The following LRP1B variants were observed in gnomAD, a reference collection of about 807,000 sequenced individuals.
LRP1B encodes the protein low-density lipoprotein receptor-related protein 1B.
A neutral mutation model predicts 556.6 loss-of-function variants in LRP1B; 217 were observed. That is an observed-to-expected ratio of 0.39 (90% CI 0.35 to 0.44). The LOEUF (loss-of-function observed/expected upper bound fraction) is 0.44, where lower values mean the gene tolerates loss of function less well. LRP1B is among the 20% of genes least tolerant of loss of function. The pLI, the probability that LRP1B is intolerant of heterozygous loss-of-function variation, is 1.00. For synonymous variants in LRP1B, 2,047 were observed against 1,865.8 expected (o/e 1.10, Z -2.50); for missense variants, 5,053 against 5,620.8 (o/e 0.90, Z 3.23).
intron 66 of LRP1B, among the ~76,000 whole-genome samples, chr2:140,424,724 T>C (rs1477981620): frequency 6.6e-6 from 1 of 152,168 alleles, no homozygotes; most frequent in African/African-American, 2.4e-5. Context: ...GATCACACAA[T>C]ACACCAGATA....
intron 22 of LRP1B, among the ~76,000 whole-genome samples, chr2:140,905,421 A>G (rs1694222438): frequency 1.3e-5 from 2 of 152,116 alleles, no homozygotes; most frequent in Admixed American, 1.3e-4. Flanking sequence ...AAAGCTTGCA[A>G]TTATAAATCC....
intron 48 of LRP1B, 111 bp from the exon 49 acceptor site, chr2:140,526,104 C>T (rs530730948): frequency 2.0e-5 from 27 of 1,334,368 alleles, no homozygotes; most frequent in East Asian, 7.2e-5. Flanking sequence ...GAAATAGATA[C>T]GTAATTATCC....
intron 85 of LRP1B, 23 bp downstream of exon 85, chr2:140,274,401 A>C (rs377298365): frequency 6.2e-6 from 10 of 1,607,196 alleles, no homozygotes; most frequent in Non-Finnish European, 8.5e-6. Context: ...TGCTTTTATA[A>C]ATTAAGCTGG....
At chr2:141,613,887 A>G (rs959077367) in intron 2 of LRP1B, among the ~76,000 whole-genome samples, 8 of 151,904 alleles carry the variant, frequency 5.3e-5, no homozygotes, top group South Asian at 2.1e-4. Flanking sequence ...AGCCTGGCCA[A>G]AATGGTGAAA....
intron 6 of LRP1B, among the ~76,000 whole-genome samples, chr2:141,204,417 A>T (rs140500897): frequency 2.0e-3 from 298 of 150,684 alleles, no homozygotes; most frequent in African/African-American, 7.1e-3. Context: ...CGGATTTGGG[A>T]TGGTCCTGCA....
chr2:141,106,083 A>G (rs1700595826), intron 7 of LRP1B, among the ~76,000 whole-genome samples: 1 of 152,198 alleles, frequency 6.6e-6, no homozygotes, highest in Admixed American at 6.5e-5. Context: ...CTTTTAAAAA[A>G]ATAAAACTCA....
intron 66 of LRP1B, among the ~76,000 whole-genome samples, chr2:140,421,933 G>A (rs1043733405): frequency 6.6e-6 from 1 of 152,136 alleles, no homozygotes; most frequent in African/African-American, 2.4e-5. Context: ...AGGGATGAAG[G>A]GGCAACTCAG....
intron 86 of LRP1B, among the ~76,000 whole-genome samples, chr2:140,247,711 A>G (rs931033931): frequency 6.6e-6 from 1 of 151,682 alleles, no homozygotes; most frequent in African/African-American, 2.4e-5. Context: ...TGAAGTCAAG[A>G]GAATGTGCCC....
chr2:140,360,973 C>A (rs1329675992), intron 72 of LRP1B, among the ~76,000 whole-genome samples: 1 of 151,324 alleles, frequency 6.6e-6, no homozygotes, highest in Non-Finnish European at 1.5e-5. Flanking sequence ...AATCCAATCA[C>A]TATCATTGCA....
chr2:140,438,505 A>C (rs1467539897), intron 66 of LRP1B, among the ~76,000 whole-genome samples: 1 of 152,230 alleles, frequency 6.6e-6, no homozygotes, highest in African/African-American at 2.4e-5. Flanking sequence ...CTGTAGCTTG[A>C]GTAGTCTGTT....
At chr2:140,444,876 T>C (rs758415463) in intron 63 of LRP1B, among the ~76,000 whole-genome samples, 197 bp from the exon 64 acceptor site, 1 of 152,098 alleles carries the variant, frequency 6.6e-6, no homozygotes, top group Non-Finnish European at 1.5e-5. Context: ...CAGATAACAT[T>C]TAATAAACCA....
chr2:141,096,859 G>A (rs1365233086), intron 7 of LRP1B, among the ~76,000 whole-genome samples: 1 of 152,082 alleles, frequency 6.6e-6, no homozygotes, highest in Non-Finnish European at 1.5e-5. Flanking sequence ...ACTTCCGGAG[G>A]CCTGTAGAAA....
At chr2:141,285,280 G>C (rs958436785) in intron 3 of LRP1B, among the ~76,000 whole-genome samples, 2 of 150,736 alleles carry the variant, frequency 1.3e-5, no homozygotes, top group African/African-American at 4.9e-5. Context: ...GTAGAGACAG[G>C]GTTTCACTAT....
At chr2:140,622,053 A>G (rs1270815331) in intron 41 of LRP1B, among the ~76,000 whole-genome samples, 1 of 152,204 alleles carries the variant, frequency 6.6e-6, no homozygotes, top group African/African-American at 2.4e-5. Flanking sequence ...TTCTCATTCA[A>G]TTTATTTACT....
At chr2:140,722,162 A>G (rs1362233548) in intron 35 of LRP1B, among the ~76,000 whole-genome samples, 3 of 152,180 alleles carry the variant, frequency 2.0e-5, no homozygotes, top group Non-Finnish European at 4.4e-5. Flanking sequence ...AATTATGACC[A>G]TTAGATTCAT....
chr2:142,088,974 CAAAAAAAAA>C (rs1289382985), intron 1 of LRP1B, among the ~76,000 whole-genome samples: 3 of 39,736 alleles, frequency 7.5e-5, no homozygotes, highest in African/African-American at 2.8e-4. Context: ...GGCTCCGTCT[CAAAAAAAAA>C]AAAAAAAAAA....
intron 2 of LRP1B, among the ~76,000 whole-genome samples, chr2:141,795,504 T>C (rs1386063874): frequency 3.3e-5 from 5 of 152,008 alleles, no homozygotes; most frequent in African/African-American, 1.2e-4. Flanking sequence ...TAGTTACAAA[T>C]TATTATTTCA....
chr2:140,730,641 C>A (rs566035216), intron 35 of LRP1B, among the ~76,000 whole-genome samples: 92 of 152,198 alleles, frequency 6.0e-4, no homozygotes, highest in Middle Eastern at 6.8e-3. Context: ...CTCACTGCAA[C>A]CTCTGCCTCC....
chr2:140,813,851 A>G lies in LRP1B; in HGVS notation c.5210-45T>C, dbSNP rs758135852. 6.4e-6 allele frequency: 9 copies of G among 1,399,126 alleles called. No homozygotes were observed. In the South Asian group the frequency reaches 1.1e-4, roughly 17 times the overall value. The allele number at this position is 1,399,126 out of a possible 1,614,324, so 86.7% of individuals were successfully genotyped here. ...CTTAAACATAATGATAGCCACTTAA[A>G]TTGTAATATCCACCTAGCACCACTG... is the stretch of plus-strand genomic sequence containing the variant. On this transcript the variant is annotated intron_variant, in intron 31 of 90. Coordinates refer to ENST00000389484, the MANE Select transcript of LRP1B (RefSeq NM_018557.3).
Sources: gnomAD v4.1 joint callset for allele counts (sites outside exome capture counted in the v4.1 genomes callset) on GRCh38, gnomAD v4.1.1 for gene constraint, MANE v1.5 for transcripts, NCBI Gene and HGNC (gene_info 2026-07-23, HGNC 2026-07-21) for gene names.